Variants in PTAR1 observed in about 807,000 individuals in gnomAD.
PTAR1 encodes protein prenyltransferase alpha subunit repeat-containing protein 1.
Under a neutral mutation model 45.5 loss-of-function variants are expected in PTAR1, and 17 were observed. The ratio of observed to expected loss-of-function variants is 0.37; its 90% CI spans 0.26 to 0.56. The LOEUF (loss-of-function observed/expected upper bound fraction) is 0.56, where lower values mean the gene tolerates loss of function less well. Ranked by LOEUF, PTAR1 falls within the 20% of genes least tolerant of loss-of-function variation. PTAR1 has a pLI of 0.77. For synonymous variants in PTAR1, 169 were observed against 171.3 expected (o/e 0.99, Z 0.11); for missense variants, 391 against 476.3 (o/e 0.82, Z 1.67).
intron 1 of PTAR1, among the ~76,000 whole-genome samples, chr9:69,755,966 G>C (rs895617856): frequency 2.0e-5 from 3 of 152,066 alleles, no homozygotes; most frequent in African/African-American, 4.8e-5. Flanking sequence ...TTTTACAGAG[G>C]AAGAGTCTTG....
intron 5 of PTAR1, chr9:69,731,818 T>C (rs1049224196): frequency 3.4e-6 from 1 of 290,532 alleles, no homozygotes; most frequent in African/African-American, 2.2e-5. Flanking sequence ...TACCAAGAAA[T>C]AGCAATTCCA....
At position 69,709,897 on chromosome 9, in the gene PTAR1, T is replaced by C. The variant is rs1010636456; in HGVS notation, c.*8445A>G. 2 of 152,136 alleles carry C rather than the reference T, an allele frequency of 1.3e-5. No homozygotes were observed. The highest frequency in any genetic ancestry group is 2.9e-5 in the Non-Finnish European group (2 of 68,002). The allele number at this position is 152,136 out of a possible 1,614,324, so 9.4% of individuals were successfully genotyped here. On this transcript the variant is annotated 3_prime_UTR_variant, in exon 8 of 8. Coordinates refer to ENST00000340434, the MANE Select transcript of PTAR1 (RefSeq NM_001099666.2). ...AATTTAGTGAACGCAACTTAAAAAT[T>C]TGTTAATGTAGTATAATCAGCATAT...
intron 6 of PTAR1, among the ~76,000 whole-genome samples, chr9:69,720,326 G>T (rs1357750431): frequency 6.6e-6 from 1 of 152,170 alleles, no homozygotes; most frequent in African/African-American, 2.4e-5. Context: ...AAGCAGATCA[G>T]CCACAACATT....
At chr9:69,748,190 G>A (rs1318369837) in intron 2 of PTAR1, among the ~76,000 whole-genome samples, 1 of 152,102 alleles carries the variant, frequency 6.6e-6, no homozygotes, top group Non-Finnish European at 1.5e-5. Context: ...AGAGAGCTCA[G>A]ATATAGACTA....
At chr9:69,750,451 C>A (rs1392348982) in intron 2 of PTAR1, among the ~76,000 whole-genome samples, 1 of 151,946 alleles carries the variant, frequency 6.6e-6, no homozygotes, top group Non-Finnish European at 1.5e-5. Context: ...GGACTAGAGT[C>A]TTCTTCAGTG....
At position 69,734,258 on chromosome 9, in the gene PTAR1, T is replaced by TAAAAAAAAAAA. The variant is rs398010830; in HGVS notation, c.324-15_324-5dup. 1.4e-5 allele frequency: 3 copies of TAAAAAAAAAAA among 207,694 alleles called. No homozygotes were observed. Among genetic ancestry groups the TAAAAAAAAAAA allele is most frequent in the Non-Finnish European group, 2.4e-5 (3 of 125,138 alleles). 12.9% of individuals were successfully genotyped at this position (207,694 alleles called of 1,614,324 possible). On this transcript the variant is annotated splice_polypyrimidine_tract_variant and splice_region_variant and intron_variant, in intron 3 of 7. Transcript: ENST00000340434. The stretch of plus-strand genomic sequence containing the variant: ...GCCAGAGAGGATCAGCTCTTTCCTG[T>TAAAAAAAAAAA]AAAAAAAAAAAAAAAAAAAAAAAAA...
Position 69,718,026 on chromosome 9 carries a change from A to C in PTAR1, c.*316T>G. 1 of 219,888 alleles carries C rather than the reference A, an allele frequency of 4.5e-6. No individual in the cohort carries two copies. Among genetic ancestry groups the C allele is most frequent in the Non-Finnish European group, 8.9e-6 (1 of 111,892 alleles). 13.6% of individuals were successfully genotyped at this position (219,888 alleles called of 1,614,324 possible). Reference sequence around the variant, plus strand: ...ATGCAGCAATTGGACTGAGGGGGGTAGAGGTGTGTGTGTGTGAACCAATCA... The same window carrying C: ...ATGCAGCAATTGGACTGAGGGGGGTCGAGGTGTGTGTGTGTGAACCAATCA... On this transcript the variant is annotated 3_prime_UTR_variant, in exon 8 of 8. Transcript: ENST00000340434.
At chr9:69,727,642 T>A (rs889112139) in intron 5 of PTAR1, among the ~76,000 whole-genome samples, 2 of 150,590 alleles carry the variant, frequency 1.3e-5, no homozygotes, top group African/African-American at 5.0e-5. Flanking sequence ...AATATGTACA[T>A]ATTATGTATT....
intron 3 of PTAR1, among the ~76,000 whole-genome samples, chr9:69,738,809 ATTT>A (rs34148439): frequency 5.1e-5 from 7 of 137,054 alleles, no homozygotes; most frequent in African/African-American, 8.1e-5. Context: ...TAACACCTCA[ATTT>A]TTTTTTTTTT....
chr9:69,736,281 G>A (rs570356144), intron 3 of PTAR1, among the ~76,000 whole-genome samples: 3 of 152,202 alleles, frequency 2.0e-5, no homozygotes, highest in South Asian at 4.1e-4. Context: ...CCCATTGGCT[G>A]GGCACGGTAG....
intron 6 of PTAR1, among the ~76,000 whole-genome samples, chr9:69,721,553 G>A (rs1257324484): frequency 1.3e-5 from 2 of 152,152 alleles, no homozygotes; most frequent in African/African-American, 4.8e-5. Flanking sequence ...TTCGAAATAA[G>A]TTCTACTGTG....
chr9:69,734,258 T>TAAAAA lies in PTAR1; in HGVS notation c.324-9_324-5dup, dbSNP rs398010830. 498 of 207,468 alleles carry TAAAAA rather than the reference T, an allele frequency of 2.4e-3. 1 individual carries two copies. Among genetic ancestry groups the TAAAAA allele is most frequent in the South Asian group, 5.3e-3 (58 of 10,956 alleles). The allele number at this position is 207,468 out of a possible 1,614,324, so 12.9% of individuals were successfully genotyped here. The stretch of plus-strand genomic sequence containing the variant: ...GCCAGAGAGGATCAGCTCTTTCCTG[T>TAAAAA]AAAAAAAAAAAAAAAAAAAAAAAAA... On this transcript the variant is annotated splice_polypyrimidine_tract_variant and splice_region_variant and intron_variant, in intron 3 of 7. Coordinates refer to ENST00000340434, the MANE Select transcript of PTAR1 (RefSeq NM_001099666.2).
Position 69,718,409 on chromosome 9 carries a change from C to A in PTAR1, c.1142G>T (p.Cys381Phe), listed in dbSNP as rs763102615. Residue 381 changes from cysteine to phenylalanine, a missense_variant, in exon 8 of 8, where the codon TGT (cysteine) becomes TTT (phenylalanine). By Grantham distance (205) the Cys-to-Phe change is radical (BLOSUM62 -2). This residue lies in a region of PTAR1 where 181 missense variants were observed against 227.7 expected (regional missense o/e 0.80). Transcript: ENST00000340434. ...AAACCTGGCTTGCTCCACGTTCCGA[C>A]AGGTGGACAATACTTGATCAATGAA... The part of the protein sequence containing the change: ...HRFIDQVLST[C>F]RNVEQARFAS... 4 of 1,613,530 alleles carry A rather than the reference C, an allele frequency of 2.5e-6. No individual in the cohort carries two copies. In the South Asian group the frequency reaches 3.3e-5, roughly 13 times the overall value.
chr9:69,718,115 T>G lies in PTAR1; in HGVS notation c.*227A>C, dbSNP rs1211277388. On this transcript the variant is annotated 3_prime_UTR_variant, in exon 8 of 8. Transcript: ENST00000340434. ...AGGGTGAGAAGTTAAACAGAAAATT[T>G]AAGACTCGCTGTTCAGCAGGAAGGA... 1 of 422,262 alleles carries G rather than the reference T, an allele frequency of 2.4e-6. No homozygotes were observed. The highest frequency in any genetic ancestry group is 2.0e-5 in the African/African-American group (1 of 50,222). 26.2% of individuals were successfully genotyped at this position (422,262 alleles called of 1,614,324 possible).
At chr9:69,724,797 A>G (rs1199240402) in intron 5 of PTAR1, among the ~76,000 whole-genome samples, 1 of 152,194 alleles carries the variant, frequency 6.6e-6, no homozygotes, top group East Asian at 1.9e-4. Flanking sequence ...CTGACATCAA[A>G]GTGGATACAT....
intron 2 of PTAR1, among the ~76,000 whole-genome samples, chr9:69,742,446 T>A (rs2134140096): frequency 6.6e-6 from 1 of 152,248 alleles, no homozygotes; most frequent in Middle Eastern, 3.4e-3. Context: ...AACAGTTGCA[T>A]AACAATCCCT....
At chr9:69,730,938 T>G (rs10115266) in intron 5 of PTAR1, among the ~76,000 whole-genome samples, 30 of 152,006 alleles carry the variant, frequency 2.0e-4, no homozygotes, top group African/African-American at 7.2e-4. Context: ...CTCACAATAA[T>G]CCACTGAGGC....
chr9:69,727,132 T>C (rs923626749), intron 5 of PTAR1, among the ~76,000 whole-genome samples: 2 of 151,986 alleles, frequency 1.3e-5, no homozygotes, highest in African/African-American at 4.8e-5. Context: ...CACCATCAAG[T>C]GAATTAACTT....
chr9:69,728,289 T>C (rs12340607), intron 5 of PTAR1, among the ~76,000 whole-genome samples: 5,194 of 152,256 alleles, frequency 0.034, 284 homozygotes, highest in African/African-American at 0.12. Flanking sequence ...CTTGGGTATA[T>C]ACCTAGGAGC....
Sources: allele counts gnomAD v4.1 joint callset (sites outside exome capture counted in the v4.1 genomes callset), GRCh38; gene constraint gnomAD v4.1.1; regional missense constraint gnomAD v4.1.1; transcripts MANE v1.5; gene names NCBI Gene and HGNC (gene_info 2026-07-23, HGNC 2026-07-21).